The following PALM2AKAP2 variants were observed in gnomAD, a reference collection of about 807,000 sequenced individuals.
PALM2AKAP2 encodes PALM2-AKAP2 fusion protein.
A neutral mutation model predicts 71.5 loss-of-function variants in PALM2AKAP2; 37 were observed. The ratio of observed to expected loss-of-function variants is 0.52; its 90% CI spans 0.40 to 0.68. The LOEUF is 0.68. Among genes scored for constraint, PALM2AKAP2 ranks in the 30% least tolerant of loss-of-function variants. PALM2AKAP2 has a pLI of 0.00. For missense variants in PALM2AKAP2, 1,224 were observed against 1,191.8 expected (o/e 1.03, Z -0.40); for synonymous variants, 468 against 478.8 (o/e 0.98, Z 0.29).
At chr9:109,940,383 G>C (rs1481408117) in intron 6 of PALM2AKAP2, among the ~76,000 whole-genome samples, 1 of 152,182 alleles carries the variant, frequency 6.6e-6, no homozygotes, top group East Asian at 1.9e-4. Context: ...AAAGCTTATG[G>C]AAGAGGAGGC....
rs79910778 is a variant in PALM2AKAP2 at position 109,802,496 on chromosome 9, A to G, written c.45+21963A>G. 3.0e-3 allele frequency among the ~76,000 whole-genome samples: 457 copies of G among 152,336 alleles called. 7 individuals carry two copies. Among genetic ancestry groups the G allele is most frequent in the East Asian group, 0.013 (67 of 5,186 alleles). ...ATAGGGGAAAAATATAATTTAGAGC[A>G]TAAATAAACCCCCATACTTTCAGCA... is the stretch of plus-strand genomic sequence containing the variant. On this transcript the variant is annotated intron_variant, in intron 1 of 9. Transcript: ENST00000302798.
chr9:109,904,145 G>A (rs547763483), intron 3 of PALM2AKAP2, among the ~76,000 whole-genome samples: 17 of 152,300 alleles, frequency 1.1e-4, no homozygotes, highest in African/African-American at 3.4e-4. Flanking sequence ...ATGGAGGCGG[G>A]CAGTGTTCTG....
chr9:110,033,574 A>G (rs1833325529), intron 7 of PALM2AKAP2, among the ~76,000 whole-genome samples: 1 of 152,252 alleles, frequency 6.6e-6, no homozygotes, highest in African/African-American at 2.4e-5. Context: ...TTGAGAAGGT[A>G]AAGACTTTAT....
At chr9:109,776,162 A>T (rs1008308291), upstream of PALM2AKAP2, among the ~76,000 whole-genome samples, 1 of 152,248 alleles carries the variant, frequency 6.6e-6, no homozygotes, top group African/African-American at 2.4e-5. Flanking sequence ...TAAAATAATT[A>T]TACAATATGT....
At chr9:110,138,497 G>A (rs377019694) in exon 2 of PALM2AKAP2, 2 of 1,613,336 alleles carry the variant, frequency 1.2e-6, no homozygotes, top group Admixed American at 3.3e-5. Context: ...GACAAAGAAT[G>A]CCCCATCACT....
intron 1 of PALM2AKAP2, among the ~76,000 whole-genome samples, chr9:109,846,292 A>C (rs1480321025): frequency 6.6e-6 from 1 of 152,124 alleles, no homozygotes; most frequent in African/African-American, 2.4e-5. Context: ...GATAACAGGG[A>C]CCTGCTTCAA....
At chr9:109,876,402 G>A (rs1162182112) in intron 2 of PALM2AKAP2, among the ~76,000 whole-genome samples, 1 of 152,284 alleles carries the variant, frequency 6.6e-6, no homozygotes, top group Non-Finnish European at 1.5e-5. Flanking sequence ...TGCTTTTTCG[G>A]CTTCTTAAAA....
At chr9:110,053,636 G>A (rs910352905) in intron 1 of PALM2AKAP2, among the ~76,000 whole-genome samples, 2 of 151,976 alleles carry the variant, frequency 1.3e-5, no homozygotes, top group South Asian at 2.1e-4. Flanking sequence ...AGAGTGCCCC[G>A]CATAGGCCGT....
At chr9:110,109,830 T>G (rs1835205914) in intron 1 of PALM2AKAP2, among the ~76,000 whole-genome samples, 1 of 151,930 alleles carries the variant, frequency 6.6e-6, no homozygotes, top group South Asian at 2.1e-4. Context: ...AAAAAAAAAG[T>G]TCAGTCTCAA....
chr9:109,643,668 T>G (rs1047978597), intron 1 of PALM2AKAP2, among the ~76,000 whole-genome samples: 11 of 152,180 alleles, frequency 7.2e-5, no homozygotes, highest in Non-Finnish European at 1.2e-4. Context: ...CCTAATCAAC[T>G]TGGCCTCAGC....
intron 1 of PALM2AKAP2, among the ~76,000 whole-genome samples, chr9:109,733,291 A>C (rs1228630873): frequency 6.6e-6 from 1 of 152,170 alleles, no homozygotes; most frequent in Non-Finnish European, 1.5e-5. Context: ...ACAAAAGAAC[A>C]TTTGTTAGAT....
At chr9:110,149,483 T>G (rs1352397534) in intron 2 of PALM2AKAP2, among the ~76,000 whole-genome samples, 4 of 152,210 alleles carry the variant, frequency 2.6e-5, no homozygotes, top group Non-Finnish European at 5.9e-5. Context: ...TTGTGCTGAT[T>G]GTAGAAAAAA....
chr9:109,745,633 A>C (rs936915190), intron 1 of PALM2AKAP2, among the ~76,000 whole-genome samples: 10 of 152,184 alleles, frequency 6.6e-5, no homozygotes, highest in Admixed American at 2.0e-4. Context: ...GCAATAATAA[A>C]AATAGGCAGA....
At chr9:110,110,952 T>C (rs1293054515) in intron 1 of PALM2AKAP2, among the ~76,000 whole-genome samples, 2 of 152,158 alleles carry the variant, frequency 1.3e-5, no homozygotes, top group African/African-American at 4.8e-5. Context: ...TTTAAACAGC[T>C]CTTCTCTCAG....
chr9:109,982,185 A>G (rs1832283652), intron 6 of PALM2AKAP2, among the ~76,000 whole-genome samples: 1 of 152,244 alleles, frequency 6.6e-6, no homozygotes, highest in Admixed American at 6.5e-5. Context: ...TGTTAAGTGA[A>G]ATAAGCTAGT....
At chr9:110,109,722 A>C (rs1835202017) in intron 1 of PALM2AKAP2, among the ~76,000 whole-genome samples, 1 of 152,148 alleles carries the variant, frequency 6.6e-6, no homozygotes, top group Non-Finnish European at 1.5e-5. Flanking sequence ...CCTGGGAGTG[A>C]GAGAGGAAAG....
intron 1 of PALM2AKAP2, among the ~76,000 whole-genome samples, chr9:109,669,774 AG>A (rs1827548144): frequency 6.6e-6 from 1 of 152,064 alleles, no homozygotes; most frequent in Non-Finnish European, 1.5e-5. Flanking sequence ...TAATGTGCAT[AG>A]GAATCTATAC....
intron 3 of PALM2AKAP2, among the ~76,000 whole-genome samples, chr9:110,157,143 A>G (rs1836477742): frequency 6.6e-6 from 1 of 152,176 alleles, no homozygotes; most frequent in African/African-American, 2.4e-5. Flanking sequence ...TTCTCCGGTT[A>G]GAGACATAGG....
At chr9:110,049,942 G>A (rs1231783395) in intron 1 of PALM2AKAP2, among the ~76,000 whole-genome samples, 1 of 152,208 alleles carries the variant, frequency 6.6e-6, no homozygotes, top group East Asian at 1.9e-4. Context: ...CAAAGAGGGC[G>A]TCTGGGAGGT....
Sources: allele counts gnomAD v4.1 joint callset (sites outside exome capture counted in the v4.1 genomes callset), GRCh38; gene constraint gnomAD v4.1.1; transcripts MANE v1.5; gene names NCBI Gene and HGNC (gene_info 2026-07-23, HGNC 2026-07-21).